Variants in GRIP1 observed in about 807,000 individuals in gnomAD.
The protein encoded by GRIP1 is glutamate receptor-interacting protein 1.
Under a neutral mutation model 129.9 loss-of-function variants are expected in GRIP1, and 45 were observed. That is an observed-to-expected ratio of 0.35 (90% CI 0.27 to 0.44). The LOEUF (loss-of-function observed/expected upper bound fraction) is 0.44, where lower values mean the gene tolerates loss of function less well. Among genes scored for constraint, GRIP1 ranks in the 20% least tolerant of loss-of-function variants. The pLI, the probability that GRIP1 is intolerant of heterozygous loss-of-function variation, is 1.00. For missense variants in GRIP1, 1,196 were observed against 1,396.8 expected (o/e 0.86, Z 2.29); for synonymous variants, 530 against 520.8 (o/e 1.02, Z -0.24).
In GRIP1 at chr12:66,703,613, G is replaced by A. The variant is rs187901844; in HGVS notation, c.-419-73277C>T. Among the ~76,000 whole-genome samples, 3 of 152,188 alleles carry A rather than the reference G, an allele frequency of 2.0e-5. 1 individual carries two copies. Among genetic ancestry groups the A allele is most frequent in the South Asian group, 4.2e-4 (2 of 4,818 alleles). ...GGCAACTGACACTGATGGGTGTCAG[G>A]AGAGGAAGAAAGAAGAGTCCAGGAT... is the stretch of plus-strand genomic sequence containing the variant. On this transcript the variant is annotated intron_variant, in intron 1 of 4. Transcript: ENST00000538373.
At chr12:66,408,605 C>A (rs1490519881) in intron 15 of GRIP1, among the ~76,000 whole-genome samples, 1 of 152,148 alleles carries the variant, frequency 6.6e-6, no homozygotes, top group Non-Finnish European at 1.5e-5. Flanking sequence ...ACATTCCCAG[C>A]TGTGGTGGCT....
intron 1 of GRIP1, among the ~76,000 whole-genome samples, chr12:66,867,273 G>A (rs1804572923): frequency 6.6e-6 from 1 of 152,150 alleles, no homozygotes; most frequent in South Asian, 2.1e-4. Context: ...ACACATGTGA[G>A]CCATAGTGCC....
At chr12:66,984,950 T>C (rs2042290047) in intron 1 of GRIP1, among the ~76,000 whole-genome samples, 11 of 152,206 alleles carry the variant, frequency 7.2e-5, no homozygotes, top group Admixed American at 7.2e-4. Flanking sequence ...TATCCACATA[T>C]TGTCAGCTGG....
rs554514282 is a variant in GRIP1 at position 66,370,910 on chromosome 12, A to G, written c.3012+784T>C. ...GCCAGGGCTTGCCTTATCCTGGCCCAAGACATCTAACACATCTTGGAGAGA... is the reference window on the plus strand; with the variant it reads ...GCCAGGGCTTGCCTTATCCTGGCCCGAGACATCTAACACATCTTGGAGAGA... On this transcript the variant is annotated intron_variant, in intron 23 of 24. Coordinates refer to ENST00000359742, the MANE Select transcript of GRIP1 (RefSeq NM_001366722.1). Among the ~76,000 whole-genome samples the G allele has an allele frequency of 4.6e-5, 7 of 152,286 alleles. No homozygotes were observed. In the South Asian group the frequency reaches 1.5e-3, roughly 32 times the overall value.
chr12:67,025,688 C>A (rs549860985), intron 1 of GRIP1, among the ~76,000 whole-genome samples: 2 of 152,252 alleles, frequency 1.3e-5, no homozygotes, highest in South Asian at 2.1e-4. Flanking sequence ...GCAATTCCTA[C>A]ACCTGCCACC....
intron 2 of GRIP1, among the ~76,000 whole-genome samples, chr12:66,558,593 C>G (rs2062413749): frequency 1.3e-5 from 2 of 152,058 alleles, no homozygotes; most frequent in African/African-American, 4.8e-5. Context: ...GTATAAATTC[C>G]TATATAAATA....
At chr12:66,659,813 C>A (rs989543433) in intron 1 of GRIP1, among the ~76,000 whole-genome samples, 2 of 152,076 alleles carry the variant, frequency 1.3e-5, no homozygotes, top group East Asian at 3.9e-4. Flanking sequence ...TGACTTGTTG[C>A]CATGCAATTC....
chr12:66,689,810 A>G (rs892962635), intron 1 of GRIP1, among the ~76,000 whole-genome samples: 3 of 152,140 alleles, frequency 2.0e-5, no homozygotes, highest in African/African-American at 7.2e-5. Flanking sequence ...CCCTTTGATC[A>G]ACATCTCCCC....
chr12:66,868,302 GAAGA>G (rs2040239141), intron 1 of GRIP1, among the ~76,000 whole-genome samples: 1 of 152,124 alleles, frequency 6.6e-6, no homozygotes, highest in Non-Finnish European at 1.5e-5. Context: ...AGATAGAGGA[GAAGA>G]AAGACAGTCC....
intron 14 of GRIP1, 29 bp downstream of exon 14, chr12:66,432,519 A>AT: frequency 7.4e-7 from 1 of 1,344,506 alleles, no homozygotes; most frequent in South Asian, 1.2e-5. Context: ...GCCTTTAAAA[A>AT]TTATTTAAAA....
chr12:66,483,313 AT>A (rs1176942590), intron 7 of GRIP1, among the ~76,000 whole-genome samples: 1 of 152,198 alleles, frequency 6.6e-6, no homozygotes, highest in Non-Finnish European at 1.5e-5. Context: ...TTTTTTAAAT[AT>A]TTTTTAAATT....
intron 9 of GRIP1, among the ~76,000 whole-genome samples, chr12:66,459,891 G>C (rs1409854742): frequency 2.6e-5 from 4 of 152,168 alleles, no homozygotes; most frequent in Non-Finnish European, 5.9e-5. Context: ...TTTTTGGCAT[G>C]TCCTGTCATT....
At chr12:66,700,479 C>G (rs1193297384) in intron 1 of GRIP1, among the ~76,000 whole-genome samples, 5 of 151,342 alleles carry the variant, frequency 3.3e-5, no homozygotes, top group African/African-American at 1.2e-4. Flanking sequence ...CCACATTGCC[C>G]AGGCTGGAGT....
intron 1 of GRIP1, among the ~76,000 whole-genome samples, chr12:66,992,621 G>A (rs1231546933): frequency 3.9e-5 from 6 of 152,134 alleles, no homozygotes; most frequent in Admixed American, 3.9e-4. Context: ...TTCTTCTCAA[G>A]TGCACACAGA....
intron 2 of GRIP1, among the ~76,000 whole-genome samples, chr12:66,572,976 C>T (rs2063013768): frequency 6.6e-6 from 1 of 152,102 alleles, no homozygotes; most frequent in Non-Finnish European, 1.5e-5. Flanking sequence ...TGGGCATGAC[C>T]TATGGCTTAC....
intron 1 of GRIP1, among the ~76,000 whole-genome samples, chr12:66,606,183 C>G (rs1297262475): frequency 2.6e-5 from 4 of 152,092 alleles, no homozygotes; most frequent in African/African-American, 9.7e-5. Context: ...ATTTTTAAAA[C>G]AGTGAAATAG....
intron 1 of GRIP1, among the ~76,000 whole-genome samples, chr12:66,745,038 C>T (rs1338703729): frequency 6.6e-6 from 1 of 152,122 alleles, no homozygotes; most frequent in Non-Finnish European, 1.5e-5. Context: ...TTTTACACGT[C>T]ACCTGATGGC....
At chr12:66,708,816 T>C (rs770274669) in intron 1 of GRIP1, among the ~76,000 whole-genome samples, 3 of 151,924 alleles carry the variant, frequency 2.0e-5, no homozygotes, top group Non-Finnish European at 4.4e-5. Context: ...AAGTTTATAT[T>C]TACTTTTTCT....
intron 18 of GRIP1, 33 bp from the exon 19 acceptor site, chr12:66,392,535 A>T (rs1319896413): frequency 6.2e-7 from 1 of 1,602,172 alleles, no homozygotes; most frequent in Admixed American, 1.7e-5. Context: ...TAAGTATCAG[A>T]GTAAATTTAA....
Sources: gnomAD v4.1 joint callset for allele counts (sites outside exome capture counted in the v4.1 genomes callset) on GRCh38, gnomAD v4.1.1 for gene constraint, MANE v1.5 for transcripts, NCBI Gene and HGNC (gene_info 2026-07-23, HGNC 2026-07-21) for gene names.